GPR19: variants seen among roughly 807,000 people sequenced by gnomAD.
The protein encoded by GPR19 is probable G protein-coupled receptor 19.
A neutral mutation model predicts 28.5 loss-of-function variants in GPR19; 14 were observed. That is an observed-to-expected ratio of 0.49 (90% CI 0.32 to 0.77). The LOEUF is 0.77. GPR19 is among the 30% of genes least tolerant of loss of function. The probability of loss-of-function intolerance (pLI) is 0.03; values close to 1 mark genes in which losing one functional copy is unlikely to be tolerated. For synonymous variants in GPR19, 173 were observed against 184.1 expected (o/e 0.94, Z 0.49); for missense variants, 409 against 504.1 (o/e 0.81, Z 1.81).
intron 3 of GPR19, among the ~76,000 whole-genome samples, chr12:12,678,504 T>C (rs1945969884): frequency 6.6e-6 from 1 of 152,168 alleles, no homozygotes; most frequent in Non-Finnish European, 1.5e-5. Flanking sequence ...AGTGCACTTA[T>C]TCTCTCTGCT....
chr12:12,687,900 G>A (rs1379459125), intron 2 of GPR19, among the ~76,000 whole-genome samples: 1 of 152,238 alleles, frequency 6.6e-6, no homozygotes, highest in African/African-American at 2.4e-5. Context: ...TGAGGCTTCA[G>A]TGAGCTCTGA....
chr12:12,687,230 T>G (rs1365326986), intron 2 of GPR19, among the ~76,000 whole-genome samples: 2 of 152,242 alleles, frequency 1.3e-5, no homozygotes, highest in Non-Finnish European at 2.9e-5. Flanking sequence ...ATATTTGGCT[T>G]CTGAAATTCA....
chr12:12,669,377 GA>G (rs1271571856), intron 3 of GPR19, among the ~76,000 whole-genome samples: 1 of 152,058 alleles, frequency 6.6e-6, no homozygotes, highest in Non-Finnish European at 1.5e-5. Context: ...TTGAAATGAG[GA>G]AAAAATTTGA....
At chr12:12,709,033 G>A in the GPR19 span, among the ~76,000 whole-genome samples, 1 of 142,190 alleles carries the variant, frequency 7.0e-6, no homozygotes. Flanking sequence ...GGGTGACAGA[G>A]CAAGACTCCG....
At chr12:12,688,608 TTC>T (rs1489439363) in intron 2 of GPR19, 2 of 152,284 alleles carry the variant, frequency 1.3e-5, no homozygotes, top group Non-Finnish European at 2.9e-5. Flanking sequence ...TTCCTTGCAT[TTC>T]TATGGCTGTT....
chr12:12,680,895 G>T (rs1280128443), intron 3 of GPR19, among the ~76,000 whole-genome samples: 1 of 152,008 alleles, frequency 6.6e-6, no homozygotes, highest in African/African-American at 2.4e-5. Flanking sequence ...CAGCATGTTG[G>T]CCAGGCTGGC....
intron 3 of GPR19, among the ~76,000 whole-genome samples, chr12:12,674,440 T>C (rs899855876): frequency 1.3e-5 from 2 of 152,050 alleles, no homozygotes; most frequent in African/African-American, 4.8e-5. Flanking sequence ...ACCAGGGTGA[T>C]GGCAGTGTAG....
In GPR19 at chr12:12,662,263, G is replaced by C; in HGVS notation, c.186C>G (p.Pro62=). The C allele has an allele frequency of 1.2e-6, 2 of 1,614,190 alleles. No homozygotes were observed. Among genetic ancestry groups the C allele is most frequent in the African/African-American group, 1.3e-5 (1 of 75,028 alleles). Residue 62 remains proline (P), a synonymous_variant, in exon 4 of 4, where the codon CCC becomes CCG. Transcript: ENST00000651487. ...AGATGCTGGCTGTGGCCACTTCCCC[G>C]GGTTTCAGCACATAGTGAAGGTCTG... The part of the protein sequence containing the change: ...NQTDLHYVLK[P]GEVATASIFF...
intron 2 of GPR19, among the ~76,000 whole-genome samples, chr12:12,690,024 G>C (rs1160432333): frequency 1.3e-5 from 2 of 152,216 alleles, no homozygotes; most frequent in African/African-American, 4.8e-5. Context: ...CTTTGTGAGA[G>C]ACCCGAAGCC....
intron 3 of GPR19, among the ~76,000 whole-genome samples, chr12:12,673,342 A>C (rs189359484): frequency 2.6e-5 from 4 of 152,322 alleles, no homozygotes; most frequent in Admixed American, 2.6e-4. Flanking sequence ...TTGCCACTGT[A>C]AACTGTCACA....
chr12:12,702,500 A>G, the GPR19 span, among the ~76,000 whole-genome samples: 2 of 152,310 alleles, frequency 1.3e-5, no homozygotes, highest in South Asian at 4.1e-4. Flanking sequence ...ATTATGATTA[A>G]ATCCATGGTA....
At chr12:12,713,237 GTAT>G in the GPR19 span, among the ~76,000 whole-genome samples, 1 of 151,922 alleles carries the variant, frequency 6.6e-6, no homozygotes, top group Middle Eastern at 3.4e-3. Flanking sequence ...GCTAATTTTT[GTAT>G]TATTAGTAGA....
chr12:12,717,240 G>A, the GPR19 span: 2 of 1,054,998 alleles, frequency 1.9e-6, no homozygotes, highest in Non-Finnish European at 2.3e-6. Context: ...CGGGAACGAG[G>A]GGAGGTGGCG....
upstream of GPR19, among the ~76,000 whole-genome samples, chr12:12,699,666 G>A (rs1212749760): frequency 6.6e-6 from 1 of 152,186 alleles, no homozygotes; most frequent in Admixed American, 6.5e-5. Flanking sequence ...CACGAGAGGG[G>A]AAAAGGGAGA....
At chr12:12,708,656 T>C in the GPR19 span, among the ~76,000 whole-genome samples, 1 of 152,062 alleles carries the variant, frequency 6.6e-6, no homozygotes, top group Non-Finnish European at 1.5e-5. Flanking sequence ...CTCAGTTCTC[T>C]ATTTCAGAGC....
the GPR19 span, among the ~76,000 whole-genome samples, chr12:12,702,001 C>G: frequency 6.7e-6 from 1 of 150,014 alleles, no homozygotes; most frequent in South Asian, 2.1e-4. Flanking sequence ...AAGCATTTTG[C>G]TTGCATCATC....
the GPR19 span, among the ~76,000 whole-genome samples, chr12:12,711,610 G>A: frequency 6.6e-6 from 1 of 152,216 alleles, no homozygotes; most frequent in Non-Finnish European, 1.5e-5. Flanking sequence ...TGTATGCTCA[G>A]TTATAATTCT....
upstream of GPR19, among the ~76,000 whole-genome samples, chr12:12,700,935 T>G (rs1222991808): frequency 6.6e-6 from 1 of 152,214 alleles, no homozygotes; most frequent in Non-Finnish European, 1.5e-5. Flanking sequence ...AAACCTAAAT[T>G]GTCGAATGTT....
intron 3 of GPR19, among the ~76,000 whole-genome samples, chr12:12,681,666 C>A (rs962758236): frequency 6.6e-6 from 1 of 152,148 alleles, no homozygotes; most frequent in Non-Finnish European, 1.5e-5. Flanking sequence ...TTGTGCAGCT[C>A]GCTCAGCAGG....
Sources: gnomAD v4.1 joint callset for allele counts (sites outside exome capture counted in the v4.1 genomes callset) on GRCh38, gnomAD v4.1.1 for gene constraint, MANE v1.5 for transcripts, NCBI Gene and HGNC (gene_info 2026-07-23, HGNC 2026-07-21) for gene names.